Variants in RHPN2 observed in about 807,000 individuals in gnomAD.
RHPN2 encodes rhophilin-2.
Under a neutral mutation model 79.0 loss-of-function variants are expected in RHPN2, and 40 were observed. The ratio of observed to expected loss-of-function variants is 0.51; its 90% CI spans 0.39 to 0.66. The LOEUF (loss-of-function observed/expected upper bound fraction) is 0.66. RHPN2 is among the 30% of genes least tolerant of loss of function. The pLI, the probability that RHPN2 is intolerant of heterozygous loss-of-function variation, is 0.00. For synonymous variants in RHPN2, 285 were observed against 363.5 expected (o/e 0.78, Z 2.46); for missense variants, 686 against 883.5 (o/e 0.78, Z 2.83).
intron 1 of RHPN2, among the ~76,000 whole-genome samples, chr19:33,048,725 C>CAAAAAAAAAAAAAAAA (rs58396784): frequency 3.2e-5 from 2 of 62,674 alleles, no homozygotes; most frequent in African/African-American, 7.1e-5. Flanking sequence ...GACTCAGTCT[C>CAAAAAAAAAAAAAAAA]AAAAAAAAAA....
intron 2 of RHPN2, among the ~76,000 whole-genome samples, chr19:33,035,696 C>G (rs1488571755): frequency 6.6e-6 from 1 of 152,168 alleles, no homozygotes; most frequent in African/African-American, 2.4e-5. Context: ...TTAGCCATTC[C>G]TAGCCTCTAA....
At chr19:33,010,373 T>G (rs1341325005) in intron 6 of RHPN2, among the ~76,000 whole-genome samples, 1 of 132,796 alleles carries the variant, frequency 7.5e-6, no homozygotes, top group Non-Finnish European at 1.5e-5. Flanking sequence ...CCAAAGTACT[T>G]TTTTTTAGGT....
intron 4 of RHPN2, among the ~76,000 whole-genome samples, chr19:33,018,361 G>C (rs2145243423): frequency 1.3e-5 from 2 of 151,960 alleles, no homozygotes; most frequent in East Asian, 3.9e-4. Context: ...GAGAGACAAG[G>C]TCTCATTCTG....
rs576054331 is a variant in RHPN2 at position 33,005,607 on chromosome 19, CA to C, written c.760+2406del. ...TGGTTCCTCTGGTTTTGTTGCTGAG[CA>C]AAAAAAAAAAAAAAAAAGCCCTGCC... On this transcript the variant is annotated intron_variant, in intron 7 of 14. Transcript: ENST00000254260. 8.4e-3 allele frequency among the ~76,000 whole-genome samples: 523 copies of C among 62,580 alleles called. 1 individual carries two copies. Among genetic ancestry groups the C allele is most frequent in the African/African-American group, 0.026 (427 of 16,656 alleles). 41.1% of individuals were successfully genotyped at this position (62,580 alleles called of 152,430 possible).
At chr19:33,003,413 G>C (rs1971766886) in intron 7 of RHPN2, among the ~76,000 whole-genome samples, 1 of 148,284 alleles carries the variant, frequency 6.7e-6, no homozygotes, top group African/African-American at 2.5e-5. Flanking sequence ...AAAAGAACCG[G>C]TGTCCTACAA....
intron 3 of RHPN2, among the ~76,000 whole-genome samples, chr19:33,024,540 C>A (rs1395301494): frequency 1.3e-5 from 2 of 152,130 alleles, no homozygotes; most frequent in African/African-American, 4.8e-5. Context: ...CACACTGACG[C>A]CTCCCCTCCA....
At chr19:33,040,583 T>G (rs962057951) in intron 2 of RHPN2, among the ~76,000 whole-genome samples, 1 of 152,030 alleles carries the variant, frequency 6.6e-6, no homozygotes, top group Non-Finnish European at 1.5e-5. Flanking sequence ...TCAGATAAAC[T>G]TCATCATATT....
intron 2 of RHPN2, among the ~76,000 whole-genome samples, chr19:33,032,063 C>G (rs1310323810): frequency 7.6e-5 from 11 of 145,138 alleles, no homozygotes; most frequent in African/African-American, 2.6e-4. Flanking sequence ...CTCTTTCCCC[C>G]GGGCTGGAAT....
intron 14 of RHPN2, among the ~76,000 whole-genome samples, chr19:32,981,772 A>T (rs1599803385): frequency 8.1e-6 from 1 of 123,246 alleles, no homozygotes; most frequent in East Asian, 2.3e-4. Flanking sequence ...CATTTTTATC[A>T]TTTTCAAGTG....
In RHPN2 at chr19:33,039,728, C is replaced by T. The variant is rs537866761; in HGVS notation, c.185+4521G>A. Among the ~76,000 whole-genome samples, 10 of 151,918 alleles carry T rather than the reference C, an allele frequency of 6.6e-5. No individual in the cohort carries two copies. In the South Asian group the frequency reaches 2.1e-3, roughly 32 times the overall value. ...TGGCGCATGCTTGTAGTCCCAGCTA[C>T]TCAGGAGGCTGAGGCAGGAGAATCA... On this transcript the variant is annotated intron_variant, in intron 2 of 14. Coordinates refer to ENST00000254260, the MANE Select transcript of RHPN2 (RefSeq NM_033103.5).
chr19:33,010,582 A>C lies in RHPN2; in HGVS notation c.593+1097T>G, dbSNP rs188266163. 2.6e-4 allele frequency among the ~76,000 whole-genome samples: 39 copies of C among 151,862 alleles called. 1 individual carries two copies. In the East Asian group the frequency reaches 6.2e-3, roughly 24 times the overall value. ...TACTTTTTACTAGAAGCAGGGTTTC[A>C]CCATATTGGACAGGCTGGTCTCGAA... On this transcript the variant is annotated intron_variant, in intron 6 of 14. Transcript: ENST00000254260.
chr19:32,999,645 A>G lies in RHPN2; in HGVS notation c.1166T>C (p.Met389Thr), dbSNP rs903210487. Residue 389 changes from methionine to threonine, a missense_variant, in exon 10 of 15, where the codon ATG (methionine) becomes ACG (threonine). Coordinates refer to ENST00000254260, the MANE Select transcript of RHPN2 (RefSeq NM_033103.5). ...EKCLSQLYDH[M>T]PEGLTPLATL... is the part of the protein sequence containing the mutation. ...GGCCAAGGGTGTCAGCCCCTCTGGC[A>G]TGTGGTCGTAGAGCTGGGACAGGCA... 6.2e-7 allele frequency: 1 copy of G among 1,613,092 alleles called. No homozygotes were observed. The highest frequency in any genetic ancestry group is 8.5e-7 in the Non-Finnish European group (1 of 1,179,446).
At chr19:33,032,016 C>CTTTTTT (rs34807523) in intron 2 of RHPN2, among the ~76,000 whole-genome samples, 34 of 91,386 alleles carry the variant, frequency 3.7e-4, no homozygotes, top group African/African-American at 1.4e-3. Flanking sequence ...CCGGGCCGGT[C>CTTTTTT]TTTTTTTTTT....
intron 1 of RHPN2, among the ~76,000 whole-genome samples, chr19:33,063,952 G>A (rs2145278675): frequency 6.6e-6 from 1 of 152,328 alleles, no homozygotes; most frequent in East Asian, 1.9e-4. Flanking sequence ...GACCCGGAGC[G>A]GAGGAGGGTG....
chr19:32,993,116 T>TC (rs1281678027), intron 12 of RHPN2, among the ~76,000 whole-genome samples: 1 of 52,570 alleles, frequency 1.9e-5, no homozygotes, highest in Non-Finnish European at 3.2e-5. Flanking sequence ...AGACCATGTC[T>TC]CTAAAAAAAC....
intron 2 of RHPN2, among the ~76,000 whole-genome samples, chr19:33,029,299 G>A (rs900117017): frequency 6.6e-6 from 1 of 151,844 alleles, no homozygotes; most frequent in African/African-American, 2.4e-5. Flanking sequence ...GGCCGAGACG[G>A]ACGGATCACG....
intron 11 of RHPN2, 147 bp downstream of exon 11, chr19:32,995,879 G>C: frequency 1.2e-6 from 1 of 848,298 alleles, no homozygotes; most frequent in Admixed American, 2.0e-5. Flanking sequence ...GAGAACTCCA[G>C]GGCAAAAGCA....
At chr19:33,042,788 A>C (rs1324443978) in intron 2 of RHPN2, among the ~76,000 whole-genome samples, 1 of 152,140 alleles carries the variant, frequency 6.6e-6, no homozygotes, top group Non-Finnish European at 1.5e-5. Flanking sequence ...TTAAAAAATC[A>C]GTCGGGCATT....
chr19:33,043,048 TA>T (rs1322805321), intron 2 of RHPN2, among the ~76,000 whole-genome samples: 1 of 149,366 alleles, frequency 6.7e-6, no homozygotes. Flanking sequence ...CACTGCACTC[TA>T]GCCTGGGTGA....
Sources: gnomAD v4.1 joint callset for allele counts (sites outside exome capture counted in the v4.1 genomes callset) on GRCh38, gnomAD v4.1.1 for gene constraint, MANE v1.5 for transcripts, NCBI Gene and HGNC (gene_info 2026-07-23, HGNC 2026-07-21) for gene names.